The following PDZRN4 variants were observed in gnomAD, a reference collection of about 807,000 sequenced individuals.
The protein encoded by PDZRN4 is PDZ domain-containing RING finger protein 4.
PDZRN4 carries 70 observed loss-of-function variants against 99.0 expected under a neutral mutation model. The ratio of observed to expected loss-of-function variants is 0.71; its 90% CI spans 0.58 to 0.86. PDZRN4 has a LOEUF of 0.86. Ranked by LOEUF, PDZRN4 falls within the 40% of genes least tolerant of loss-of-function variation. PDZRN4 has a pLI of 0.00. For missense variants in PDZRN4, 1,474 were observed against 1,331.2 expected (o/e 1.11, Z -1.67); for synonymous variants, 551 against 501.6 (o/e 1.10, Z -1.32).
At chr12:41,547,361 T>G (rs2120784780) in intron 5 of PDZRN4, among the ~76,000 whole-genome samples, 1 of 152,206 alleles carries the variant, frequency 6.6e-6, no homozygotes, top group Non-Finnish European at 1.5e-5. Context: ...CACGGTGGCT[T>G]ATGCCTCTAA....
intron 5 of PDZRN4, among the ~76,000 whole-genome samples, chr12:41,529,552 G>C (rs1938625178): frequency 6.6e-6 from 1 of 151,998 alleles, no homozygotes; most frequent in South Asian, 2.1e-4. Context: ...ATTTTATAAG[G>C]TACTACTAGG....
At chr12:41,550,592 G>C (rs911897014) in intron 5 of PDZRN4, among the ~76,000 whole-genome samples, 4 of 152,082 alleles carry the variant, frequency 2.6e-5, no homozygotes, top group African/African-American at 9.7e-5. Context: ...TAGGAAAAAG[G>C]ATGTTTCACC....
intron 5 of PDZRN4, among the ~76,000 whole-genome samples, chr12:41,534,185 A>G (rs1249662047): frequency 6.6e-6 from 1 of 152,204 alleles, no homozygotes; most frequent in Non-Finnish European, 1.5e-5. Context: ...GTTGCTATAT[A>G]CATTCCAGAT....
chr12:41,279,040 A>T (rs1319715135), intron 3 of PDZRN4, among the ~76,000 whole-genome samples: 1 of 152,216 alleles, frequency 6.6e-6, no homozygotes, highest in Non-Finnish European at 1.5e-5. Flanking sequence ...GCAGGGTGAC[A>T]TAAAAATAAC....
At chr12:41,319,517 C>T (rs1479049140) in intron 3 of PDZRN4, among the ~76,000 whole-genome samples, 1 of 152,100 alleles carries the variant, frequency 6.6e-6, no homozygotes, top group Admixed American at 6.5e-5. Context: ...TTAAAACCAG[C>T]CACCGCTCCT....
chr12:41,468,828 T>C (rs1465045466), intron 3 of PDZRN4, among the ~76,000 whole-genome samples: 1 of 152,194 alleles, frequency 6.6e-6, no homozygotes. Flanking sequence ...TTTTACTCTT[T>C]TGTTTTTTGT....
rs1407352090 is a variant in PDZRN4 at position 41,486,883 on chromosome 12, A to T, written c.844-19573A>T. Among the ~76,000 whole-genome samples, 3 of 151,522 alleles carry T rather than the reference A, an allele frequency of 2.0e-5. No individual in the cohort carries two copies. In the East Asian group the frequency reaches 5.8e-4, roughly 29 times the overall value. On this transcript the variant is annotated intron_variant, in intron 3 of 9. Transcript: ENST00000402685. The stretch of plus-strand genomic sequence containing the variant: ...ACACAAATGTGTCAGGAATGCTTCC[A>T]CCCTTGGGCCTTTGCCATGGCTGCT...
At chr12:41,458,947 T>C (rs1952844836) in intron 3 of PDZRN4, among the ~76,000 whole-genome samples, 1 of 152,058 alleles carries the variant, frequency 6.6e-6, no homozygotes, top group Admixed American at 6.6e-5. Context: ...AGGATGGACA[T>C]TGGCACTGAG....
intron 3 of PDZRN4, among the ~76,000 whole-genome samples, chr12:41,254,012 A>AATAT (rs879487508): frequency 8.4e-6 from 1 of 119,360 alleles, no homozygotes; most frequent in Non-Finnish European, 1.8e-5. Context: ...GATAAAAGGA[A>AATAT]ATATATATAT....
chr12:41,349,704 G>A (rs1020885476), intron 3 of PDZRN4, among the ~76,000 whole-genome samples: 10 of 151,874 alleles, frequency 6.6e-5, no homozygotes, highest in Admixed American at 2.6e-4. Flanking sequence ...ATATAATAAT[G>A]AATAAGGAGC....
chr12:41,261,137 A>G (rs17129178), intron 3 of PDZRN4, among the ~76,000 whole-genome samples: 25,153 of 152,124 alleles, frequency 0.17, 3,378 homozygotes, highest in African/African-American at 0.37. Context: ...TATTAGGGAT[A>G]TGCAAATTTT....
chr12:41,542,061 CA>C (rs1267670857), intron 5 of PDZRN4, among the ~76,000 whole-genome samples: 1 of 152,196 alleles, frequency 6.6e-6, no homozygotes, highest in Non-Finnish European at 1.5e-5. Flanking sequence ...GAAGTACAAT[CA>C]TCGAATCAGA....
At chr12:41,504,887 G>C (rs1330942602) in intron 3 of PDZRN4, among the ~76,000 whole-genome samples, 4 of 152,178 alleles carry the variant, frequency 2.6e-5, no homozygotes, top group Admixed American at 6.5e-5. Context: ...TCTTACTAGT[G>C]ATTCAAGAGC....
At chr12:41,556,645 A>C (rs1939170009) in intron 7 of PDZRN4, among the ~76,000 whole-genome samples, 1 of 152,216 alleles carries the variant, frequency 6.6e-6, no homozygotes. Flanking sequence ...TGGGAGATGA[A>C]GGAGAATATG....
At chr12:41,432,845 G>C (rs1952596381) in intron 3 of PDZRN4, among the ~76,000 whole-genome samples, 1 of 152,200 alleles carries the variant, frequency 6.6e-6, no homozygotes, top group African/African-American at 2.4e-5. Flanking sequence ...CTGGAGCACA[G>C]GTAGGGAGAT....
chr12:41,449,155 C>T (rs1035260200), intron 3 of PDZRN4, among the ~76,000 whole-genome samples: 4 of 152,164 alleles, frequency 2.6e-5, no homozygotes, highest in African/African-American at 9.7e-5. Context: ...TTTTCTTCAT[C>T]TGAATAAGTT....
At chr12:41,245,708 T>A (rs1951129565) in intron 3 of PDZRN4, among the ~76,000 whole-genome samples, 1 of 152,184 alleles carries the variant, frequency 6.6e-6, no homozygotes, top group Non-Finnish European at 1.5e-5. Context: ...TATGGCAATA[T>A]AATGGATGAA....
rs56755593 is a variant in PDZRN4, at chr12:41,533,180, C to CTT, written c.1204-19465_1204-19464dup. Among the ~76,000 whole-genome samples the CTT allele has an allele frequency of 6.0e-3, 863 of 144,866 alleles. 16 individuals carry two copies. Among genetic ancestry groups the CTT allele is most frequent in the African/African-American group, 0.018 (715 of 39,528 alleles). On this transcript the variant is annotated intron_variant, in intron 5 of 9. Coordinates refer to ENST00000402685, the MANE Select transcript of PDZRN4 (RefSeq NM_001164595.2). ...CCTGGTCAGCTTAACTTTTTCTTTTCTTTTTTTTTTTTGAGATGGAGTCTC... is the reference window on the plus strand; with the variant it reads ...CCTGGTCAGCTTAACTTTTTCTTTTCTTTTTTTTTTTTTTGAGATGGAGTCTC...
intron 3 of PDZRN4, among the ~76,000 whole-genome samples, chr12:41,212,489 G>A (rs76278198): frequency 0.017 from 2,607 of 151,926 alleles, 40 homozygotes; most frequent in East Asian, 0.061. Flanking sequence ...TACTTGTCTG[G>A]AATTAAATTG....
Sources: gnomAD v4.1 joint callset for allele counts (sites outside exome capture counted in the v4.1 genomes callset) on GRCh38, gnomAD v4.1.1 for gene constraint, MANE v1.5 for transcripts, NCBI Gene and HGNC (gene_info 2026-07-23, HGNC 2026-07-21) for gene names.